The following KCNT2 variants were observed in gnomAD, a reference collection of about 807,000 sequenced individuals.
The protein encoded by KCNT2 is potassium sodium-activated channel subfamily T member 2.
Under a neutral mutation model 153.8 loss-of-function variants are expected in KCNT2, and 67 were observed. The observed-to-expected ratio is 0.44, with a 90% CI of 0.36 to 0.53. The LOEUF is 0.53. Among genes scored for constraint, KCNT2 ranks in the 20% least tolerant of loss-of-function variants. The pLI is 0.00. For missense variants in KCNT2, 975 were observed against 1,354.8 expected, an observed-to-expected ratio of 0.72 and a Z score of 4.40; for synonymous variants, 500 against 458.8, an observed-to-expected ratio of 1.09 and a Z score of -1.15.
At chr1:196,560,673 T>C (rs1433592530) in intron 1 of KCNT2, among the ~76,000 whole-genome samples, 1 of 148,876 alleles carries the variant, frequency 6.7e-6, no homozygotes, top group East Asian at 2.0e-4. Context: ...CAAAATGACT[T>C]CCTGTAATAA....
At chr1:196,369,580 G>GT (rs1391746477) in intron 14 of KCNT2, among the ~76,000 whole-genome samples, 1 of 151,754 alleles carries the variant, frequency 6.6e-6, no homozygotes, top group Non-Finnish European at 1.5e-5. Context: ...GTGGTGTTTG[G>GT]TTTTTTGTTC....
chr1:196,589,959 T>C (rs931066631), intron 1 of KCNT2, among the ~76,000 whole-genome samples: 1 of 152,162 alleles, frequency 6.6e-6, no homozygotes, highest in African/African-American at 2.4e-5. Flanking sequence ...GAACACATTT[T>C]TGTAGCCATT....
intron 26 of KCNT2, among the ~76,000 whole-genome samples, chr1:196,251,784 A>T (rs928673213): frequency 2.6e-5 from 4 of 151,984 alleles, no homozygotes; most frequent in Admixed American, 1.3e-4. Context: ...GAAATAATAT[A>T]TGCTTGAGAT....
At chr1:196,434,857 G>A (rs1397841993) in intron 8 of KCNT2, among the ~76,000 whole-genome samples, 2 of 151,470 alleles carry the variant, frequency 1.3e-5, no homozygotes, top group Non-Finnish European at 2.9e-5. Context: ...TGAAGATGGT[G>A]GTACAGTCTA....
In KCNT2 at chr1:196,425,719, TA is replaced by T. The variant is rs1484191524; in HGVS notation, c.1121+132del. 4.8e-6 allele frequency: 4 copies of T among 835,100 alleles called. No individual in the cohort carries two copies. The African/African-American group carries it at 6.9e-5, about 14-fold the overall frequency. 51.7% of individuals were successfully genotyped at this position (835,100 alleles called of 1,614,324 possible). A position where few individuals can be genotyped will look rare whatever the true frequency, so the allele number is the denominator to read the frequency against. The stretch of plus-strand genomic sequence containing the variant: ...CTTTTAGTTTGGCCAGCAGAGGGAC[TA>T]AGGCAAGAGTCTATACTCAAACATA... On this transcript the variant is annotated intron_variant, in intron 11 of 27. Transcript: ENST00000294725.
rs572494408 is a variant in KCNT2 at position 196,236,160 on chromosome 1, C to G, written c.3212-90G>C. 144 of 745,036 alleles carry G rather than the reference C, an allele frequency of 1.9e-4. No individual in the cohort carries two copies. In the South Asian group the frequency reaches 2.1e-3, roughly 11 times the overall value. 46.2% of individuals were successfully genotyped at this position (745,036 alleles called of 1,614,324 possible). ...AACAGCTTATATTCAAACCATATAA[C>G]TGTCAACAAGAACTTGGTATAGTTT... is the stretch of plus-strand genomic sequence containing the variant. On this transcript the variant is annotated intron_variant, in intron 26 of 27. Coordinates refer to ENST00000294725, the MANE Select transcript of KCNT2 (RefSeq NM_198503.5).
intron 1 of KCNT2, among the ~76,000 whole-genome samples, chr1:196,578,658 A>G (rs1661659602): frequency 6.6e-6 from 1 of 152,178 alleles, no homozygotes; most frequent in South Asian, 2.1e-4. Context: ...TCTAGAAGAT[A>G]GAACATTAGA....
intron 25 of KCNT2, among the ~76,000 whole-genome samples, chr1:196,268,591 A>T (rs1657762666): frequency 6.6e-6 from 1 of 152,224 alleles, no homozygotes; most frequent in Non-Finnish European, 1.5e-5. Flanking sequence ...TTGATGTTTG[A>T]CTGCTGACAG....
chr1:196,453,520 T>C (rs1313806229), intron 8 of KCNT2, among the ~76,000 whole-genome samples: 1 of 151,994 alleles, frequency 6.6e-6, no homozygotes, highest in East Asian at 1.9e-4. Context: ...CCCCTTCCAA[T>C]AGACAGTAAT....
intron 12 of KCNT2, among the ~76,000 whole-genome samples, chr1:196,413,846 T>C (rs1266321569): frequency 6.6e-6 from 1 of 151,658 alleles, no homozygotes; most frequent in East Asian, 1.9e-4. Flanking sequence ...TTTGTAATGC[T>C]TATTAATTTT....
At chr1:196,334,487 C>CTTTCTTTTTTTTTTTTTTTTTTTTTTTT (rs1553288400) in intron 16 of KCNT2, among the ~76,000 whole-genome samples, 1 of 87,264 alleles carries the variant, frequency 1.1e-5, no homozygotes, top group Admixed American at 1.4e-4. Flanking sequence ...TTCTTTCTTT[C>CTTTCTTTTTTTTTTTTTTTTTTTTTTTT]TTTTTTTTTT....
At chr1:196,297,311 CT>C (rs1416852780) in intron 22 of KCNT2, among the ~76,000 whole-genome samples, 2 of 151,994 alleles carry the variant, frequency 1.3e-5, no homozygotes, top group African/African-American at 4.8e-5. Context: ...AAATTCATTA[CT>C]TTTCTGCATT....
chr1:196,262,259 C>T (rs1262370594), intron 25 of KCNT2, among the ~76,000 whole-genome samples: 1 of 151,804 alleles, frequency 6.6e-6, no homozygotes, highest in Non-Finnish European at 1.5e-5. Flanking sequence ...CAATTATTCA[C>T]GTCATAGGTT....
intron 1 of KCNT2, among the ~76,000 whole-genome samples, chr1:196,540,892 C>A (rs907964883): frequency 6.6e-6 from 1 of 151,896 alleles, no homozygotes; most frequent in African/African-American, 2.4e-5. Flanking sequence ...TGGTGAAACC[C>A]TGTCTCTACT....
chr1:196,320,199 A>G (rs1035115443), intron 19 of KCNT2, among the ~76,000 whole-genome samples: 4 of 151,798 alleles, frequency 2.6e-5, no homozygotes, highest in African/African-American at 4.8e-5. Context: ...TACATATTTG[A>G]GGAAAGAACC....
intron 1 of KCNT2, among the ~76,000 whole-genome samples, chr1:196,493,244 A>G (rs1421824399): frequency 1.3e-5 from 2 of 151,964 alleles, no homozygotes; most frequent in African/African-American, 4.8e-5. Flanking sequence ...TGTTTACGCA[A>G]AAACAAATAT....
At chr1:196,434,106 G>C (rs1440440503) in intron 8 of KCNT2, among the ~76,000 whole-genome samples, 1 of 152,014 alleles carries the variant, frequency 6.6e-6, no homozygotes, top group Admixed American at 6.6e-5. Flanking sequence ...TATTGGCTCA[G>C]CTGCCCCTAT....
At chr1:196,545,875 G>C (rs1039255200) in intron 1 of KCNT2, among the ~76,000 whole-genome samples, 3 of 151,834 alleles carry the variant, frequency 2.0e-5, no homozygotes, top group African/African-American at 7.3e-5. Flanking sequence ...CATCCATATT[G>C]TACCTTGTAT....
rs1247198156 is a variant in KCNT2 at position 196,258,403 on chromosome 1, G to T, written c.3002C>A (p.Ser1001Tyr). 1 of 1,613,922 alleles carries T rather than the reference G, an allele frequency of 6.2e-7. No individual in the cohort carries two copies. The highest frequency in any genetic ancestry group is 1.3e-5 in the African/African-American group (1 of 74,896). ...CAAGGGATGGTCCGACTGATCACTG[G>T]ATGTTGAGTTGCGGTGGTTGCTGCG... ...HHRSNHRNSTSSDQSDHPLLR... is the reference protein window; with the variant it reads ...HHRSNHRNSTYSDQSDHPLLR... Residue 1001 changes from serine (S) to tyrosine (Y), a missense_variant, in exon 26 of 28, where the codon TCC (serine) becomes TAC (tyrosine). Ser to Tyr is a moderately radical substitution (Grantham distance 144). Around this residue, in one of 6 missense-constraint regions of KCNT2, gnomAD observed 241 missense variants for 271.1 expected, o/e 0.89. Transcript: ENST00000294725.
Sources: allele counts gnomAD v4.1 joint callset (sites outside exome capture counted in the v4.1 genomes callset), GRCh38; gene constraint gnomAD v4.1.1; regional missense constraint gnomAD v4.1.1; transcripts MANE v1.5; gene names NCBI Gene and HGNC (gene_info 2026-07-23, HGNC 2026-07-21).